Variants in OPRK1 observed in about 807,000 individuals in gnomAD.
The protein encoded by OPRK1 is kappa-type opioid receptor.
OPRK1 carries 15 observed loss-of-function variants against 24.5 expected under a neutral mutation model. The ratio of observed to expected loss-of-function variants is 0.61; its 90% CI spans 0.41 to 0.94. The LOEUF (loss-of-function observed/expected upper bound fraction) is 0.94, where lower values mean the gene tolerates loss of function less well. Among genes scored for constraint, OPRK1 ranks in the 40% least tolerant of loss-of-function variants. The pLI is 0.00. For synonymous variants in OPRK1, 205 were observed against 198.0 expected (o/e 1.04, Z -0.30); for missense variants, 479 against 507.3 (o/e 0.94, Z 0.54).
chr8:53,242,632 G>C, intron 2 of OPRK1: 1 of 205,664 alleles, frequency 4.9e-6, no homozygotes, highest in Non-Finnish European at 9.7e-6. Context: ...TCAGCCTCCC[G>C]AGTAGCTGGG....
rs1314044179 is a variant in OPRK1 at position 53,227,928 on chromosome 8, G to C, written c.*1369C>G. 1 of 151,992 alleles carries C rather than the reference G, an allele frequency of 6.6e-6. No individual in the cohort carries two copies. 9.4% of individuals were successfully genotyped at this position (151,992 alleles called of 1,614,324 possible). On this transcript the variant is annotated 3_prime_UTR_variant, in exon 4 of 4. Transcript: ENST00000265572. ...TAAATTATCCCTTTTTTCTTCTCAG[G>C]CAAATTACAGAAAAAGCCATTACCT...
At chr8:53,242,795 C>T (rs1262206842) in intron 2 of OPRK1, 38 of 1,217,016 alleles carry the variant, frequency 3.1e-5, no homozygotes, top group Non-Finnish European at 3.8e-5. Flanking sequence ...CCTGAGCCAC[C>T]GCGCCCGGCC....
intron 2 of OPRK1, among the ~76,000 whole-genome samples, chr8:53,247,803 C>G (rs554499505): frequency 6.6e-6 from 1 of 152,014 alleles, no homozygotes; most frequent in South Asian, 2.1e-4. Context: ...TGAGACCAGC[C>G]TGCACAACAT....
chr8:53,248,953 G>T (rs1807302486), intron 2 of OPRK1, among the ~76,000 whole-genome samples: 1 of 152,152 alleles, frequency 6.6e-6, no homozygotes, highest in African/African-American at 2.4e-5. Flanking sequence ...ACACTTTAGT[G>T]TTGGATATAT....
rs1005711048 is a variant in OPRK1 at position 53,251,443 on chromosome 8, C to T, written c.-49+5G>A. On this transcript the variant is annotated splice_donor_5th_base_variant and intron_variant, in intron 1 of 3. Transcript: ENST00000265572. ...AGAACTGCACCTCGAAAGCCCAAAG[C>T]TTACCTATGGTTCCCAGAGACAGGC... The T allele has an allele frequency of 3.5e-5, 7 of 198,748 alleles. No homozygotes were observed. In the East Asian group the frequency reaches 9.1e-4, roughly 26 times the overall value. The allele number at this position is 198,748 out of a possible 1,614,324, so 12.3% of individuals were successfully genotyped here.
chr8:53,239,970 T>C (rs553347112), intron 2 of OPRK1, among the ~76,000 whole-genome samples: 1 of 152,232 alleles, frequency 6.6e-6, no homozygotes, highest in Admixed American at 6.5e-5. Context: ...AGGTATTTTA[T>C]CAGAGAAATA....
intron 2 of OPRK1, among the ~76,000 whole-genome samples, chr8:53,241,727 T>C (rs1807119901): frequency 6.7e-6 from 1 of 148,564 alleles, no homozygotes; most frequent in South Asian, 2.2e-4. Context: ...CCAGAATCAC[T>C]CTCCTGGTGC....
In OPRK1 at chr8:53,234,787, T is replaced by C. The variant is rs1563327697; in HGVS notation, c.582A>G (p.Ile194Met). 1 of 1,614,132 alleles carries C rather than the reference T, an allele frequency of 6.2e-7. No homozygotes were observed. The highest frequency in any genetic ancestry group is 2.2e-5 in the East Asian group (1 of 44,886). Residue 194 changes from isoleucine (I) to methionine (M), a missense_variant, in exon 3 of 4, where the codon ATA (isoleucine) becomes ATG (methionine). Physicochemically the swap from Ile to Met is conservative, Grantham distance 10. Coordinates refer to ENST00000265572, the MANE Select transcript of OPRK1 (RefSeq NM_000912.5). ...CCCTGACTTTGGTGCCTCCAAGGAC[T>C]ATTGCAGAGATGCCAACAGATGACG... ...LLSSSVGISA[I>M]VLGGTKVRED...
At chr8:53,242,912 C>A in intron 2 of OPRK1, 1 of 1,288,424 alleles carries the variant, frequency 7.8e-7, no homozygotes. Context: ...GAAATTCCAA[C>A]CTGTTTGGCC....
At chr8:53,246,749 T>C (rs1807239355) in intron 2 of OPRK1, among the ~76,000 whole-genome samples, 1 of 152,138 alleles carries the variant, frequency 6.6e-6, no homozygotes, top group Non-Finnish European at 1.5e-5. Flanking sequence ...CACTCCAGTG[T>C]CTTGGTGAAG....
rs2128807186 is a variant in OPRK1, at chr8:53,227,701, A to G, written c.*1596T>C. 6.6e-6 allele frequency: 1 copy of G among 152,246 alleles called. No individual in the cohort carries two copies. Among genetic ancestry groups the G allele is most frequent in the South Asian group, 2.1e-4 (1 of 4,814 alleles). 9.4% of individuals were successfully genotyped at this position (152,246 alleles called of 1,614,324 possible). On this transcript the variant is annotated 3_prime_UTR_variant, in exon 4 of 4. Coordinates refer to ENST00000265572, the MANE Select transcript of OPRK1 (RefSeq NM_000912.5). The stretch of plus-strand genomic sequence containing the variant: ...TAGAGGCAAACATGGTCAGAGTAAC[A>G]TTCTGAAGCCATGTGTAAAACCTTC...
At position 53,226,203 on chromosome 8, in the gene OPRK1, C is replaced by T. The variant is rs1454801164; in HGVS notation, c.*3094G>A. On this transcript the variant is annotated 3_prime_UTR_variant, in exon 4 of 4. Transcript: ENST00000265572. ...GTGACTCTTTATTGATTTTTTTTCT[C>T]CAAGCTATTTTTCCAAATGATGTAT... The T allele has an allele frequency of 6.6e-6, 1 of 151,906 alleles. No homozygotes were observed. The highest frequency in any genetic ancestry group is 1.5e-5 in the Non-Finnish European group (1 of 67,966). The allele number at this position is 151,906 out of a possible 1,614,324, so 9.4% of individuals were successfully genotyped here.
At chr8:53,233,911 CA>C (rs1326048044) in intron 3 of OPRK1, among the ~76,000 whole-genome samples, 2 of 152,046 alleles carry the variant, frequency 1.3e-5, no homozygotes, top group East Asian at 1.9e-4. Context: ...AAAACATCAA[CA>C]GGGGGCCGGG....
rs150531979 is a variant in OPRK1 at position 53,231,035 on chromosome 8, A to T, written c.611-1206T>A. Among the ~76,000 whole-genome samples the T allele has an allele frequency of 3.4e-3, 511 of 152,308 alleles. 6 individuals carry two copies. Among genetic ancestry groups the T allele is most frequent in the African/African-American group, 0.012 (493 of 41,582 alleles). ...ATACTTTAAAATAAAAAGGATATAA[A>T]CATTTTTGACAATTAATAAAGACTA... is the stretch of plus-strand genomic sequence containing the variant. On this transcript the variant is annotated intron_variant, in intron 3 of 3. Transcript: ENST00000265572.
At position 53,234,989 on chromosome 8, in the gene OPRK1, C is replaced by T. The variant is rs1159394271; in HGVS notation, c.380G>A (p.Gly127Glu). The T allele has an allele frequency of 6.2e-7, 1 of 1,614,120 alleles. No homozygotes were observed. The highest frequency in any genetic ancestry group is 1.7e-5 in the Admixed American group (1 of 60,022). ...TVYLMNSWPF[G>E]DVLCKIVISI... ...AATTACTATCTTGCACAGCACATCCCCAAAAGGCCAGGAATTCATCAAGTA... is the reference window on the plus strand; with the variant it reads ...AATTACTATCTTGCACAGCACATCCTCAAAAGGCCAGGAATTCATCAAGTA... Residue 127 changes from glycine to glutamate, a missense_variant, in exon 3 of 4, where the codon GGG becomes GAG. Physicochemically the swap from Gly to Glu is moderately conservative, Grantham distance 98. Coordinates refer to ENST00000265572, the MANE Select transcript of OPRK1 (RefSeq NM_000912.5).
intron 1 of OPRK1, 113 bp downstream of exon 1, chr8:53,251,335 C>T (rs16918955): frequency 0.041 from 18,869 of 460,126 alleles, 472 homozygotes; most frequent in African/African-American, 0.062. Context: ...TTCTAGGCAC[C>T]GGCCCCTGGT....
intron 3 of OPRK1, 106 bp downstream of exon 3, chr8:53,234,653 T>G: frequency 1.0e-6 from 1 of 991,604 alleles, no homozygotes; most frequent in Non-Finnish European, 1.5e-6. Context: ...TCCGTCGTCT[T>G]TTGGCATCGA....
At chr8:53,231,214 TA>T (rs534523915) in intron 3 of OPRK1, among the ~76,000 whole-genome samples, 130 of 152,286 alleles carry the variant, frequency 8.5e-4, no homozygotes, top group African/African-American at 3.1e-3. Flanking sequence ...CTTTAGTGTT[TA>T]TGGTAAATGA....
At chr8:53,230,864 T>A (rs1370304241) in intron 3 of OPRK1, among the ~76,000 whole-genome samples, 1 of 152,126 alleles carries the variant, frequency 6.6e-6, no homozygotes, top group Non-Finnish European at 1.5e-5. Context: ...GTAATGAAAA[T>A]ATTTTTTTCT....
Sources: allele counts gnomAD v4.1 joint callset (sites outside exome capture counted in the v4.1 genomes callset), GRCh38; gene constraint gnomAD v4.1.1; transcripts MANE v1.5; gene names NCBI Gene and HGNC (gene_info 2026-07-23, HGNC 2026-07-21).